DNAJB1: variants seen among roughly 807,000 people sequenced by gnomAD.
The protein encoded by DNAJB1 is DnaJ heat shock protein family (Hsp40) member B1, also known as dnaJ homolog subfamily B member 1.
Under a neutral mutation model 24.0 loss-of-function variants are expected in DNAJB1, and 14 were observed. That is an observed-to-expected ratio of 0.58 (90% CI 0.39 to 0.91). The LOEUF (loss-of-function observed/expected upper bound fraction) is 0.91. Among genes scored for constraint, DNAJB1 ranks in the 40% least tolerant of loss-of-function variants. The pLI is 0.00. For synonymous variants in DNAJB1, 262 were observed against 174.4 expected (o/e 1.50, Z -3.96); for missense variants, 517 against 458.1 (o/e 1.13, Z -1.17).
exon 1 of DNAJB1, among the ~76,000 whole-genome samples, chr19:14,560,172 C>T (rs1304902330): frequency 9.8e-5 from 15 of 152,348 alleles, no homozygotes; most frequent in East Asian, 1.9e-4. Context: ...GCCGGGACCC[C>T]GATGGCCGTA....
At chr19:14,558,119 A>G (rs533325839) in intron 1 of DNAJB1, among the ~76,000 whole-genome samples, 60 of 152,188 alleles carry the variant, frequency 3.9e-4, no homozygotes, top group Non-Finnish European at 7.8e-4. Context: ...GTCAGATGGC[A>G]GCTGGGGACA....
chr19:14,516,475 G>C lies in DNAJB1; in HGVS notation c.783C>G (p.Ser261Arg). ...GSDVIYPARISLREALCGCTV... is the reference protein window; with the variant it reads ...GSDVIYPARIRLREALCGCTV... Reference sequence around the variant, plus strand: ...CCACCTGGCACCTTACCTCCCGGAGGCTGATCCTGGCAGGATAAATGACAT... The same window carrying C: ...CCACCTGGCACCTTACCTCCCGGAGCCTGATCCTGGCAGGATAAATGACAT... Residue 261 changes from serine to arginine, a missense_variant, in exon 2 of 3, where the codon AGC becomes AGG. By Grantham distance (110) the Ser-to-Arg change is moderately radical. Coordinates refer to ENST00000254322, the MANE Select transcript of DNAJB1 (RefSeq NM_006145.3). 5 of 1,611,220 alleles carry C rather than the reference G, an allele frequency of 3.1e-6. No homozygotes were observed. Among genetic ancestry groups the C allele is most frequent in the South Asian group, 1.1e-5 (1 of 91,038 alleles).
intron 1 of DNAJB1, among the ~76,000 whole-genome samples, chr19:14,538,991 T>G (rs1392078484): frequency 1.3e-5 from 2 of 150,854 alleles, no homozygotes; most frequent in Non-Finnish European, 1.5e-5. Context: ...TTTTTTTTTT[T>G]GAGACAGAGT....
Position 14,516,455 on chromosome 19 carries a change from T to A in DNAJB1, c.792+11A>T. 6.2e-7 allele frequency: 1 copy of A among 1,608,748 alleles called. No homozygotes were observed. Among genetic ancestry groups the A allele is most frequent in the Non-Finnish European group, 8.5e-7 (1 of 1,176,162 alleles). ...CGCCCTCTACAGACACCGCCCCACC[T>A]GGCACCTTACCTCCCGGAGGCTGAT... On this transcript the variant is annotated intron_variant, in intron 2 of 2. Coordinates refer to ENST00000254322, the MANE Select transcript of DNAJB1 (RefSeq NM_006145.3).
exon 1 of DNAJB1, among the ~76,000 whole-genome samples, chr19:14,560,230 G>T (rs894223174): frequency 6.6e-6 from 1 of 152,200 alleles, no homozygotes; most frequent in Non-Finnish European, 1.5e-5. Flanking sequence ...GGGGAGCAGG[G>T]TACGATTTCA....
At chr19:14,559,231 G>A (rs1156540061) in intron 1 of DNAJB1, among the ~76,000 whole-genome samples, 1 of 152,122 alleles carries the variant, frequency 6.6e-6, no homozygotes, top group African/African-American at 2.4e-5. Flanking sequence ...AGTGAACAGT[G>A]GCATTGAGTG....
chr19:14,555,227 C>G (rs572243988), upstream of DNAJB1, among the ~76,000 whole-genome samples: 3 of 151,452 alleles, frequency 2.0e-5, no homozygotes, highest in South Asian at 4.2e-4. Flanking sequence ...ACCATAGGTG[C>G]GAGTCACCAC....
chr19:14,520,530 G>A (rs191442187), upstream of DNAJB1, among the ~76,000 whole-genome samples: 5 of 152,272 alleles, frequency 3.3e-5, no homozygotes, highest in Admixed American at 6.5e-5. Flanking sequence ...GGCAGATCTG[G>A]TTCTCTTGGC....
chr19:14,543,726 C>G (rs994822179), intron 1 of DNAJB1, among the ~76,000 whole-genome samples: 2 of 148,122 alleles, frequency 1.4e-5, no homozygotes, highest in African/African-American at 2.5e-5. Context: ...GCGTGAGCCA[C>G]CGCGCCCGGC....
At chr19:14,552,924 G>A (rs556610226), upstream of DNAJB1, among the ~76,000 whole-genome samples, 5 of 152,104 alleles carry the variant, frequency 3.3e-5, no homozygotes, top group South Asian at 6.3e-4. Context: ...TAGATGTCAC[G>A]TCTGAATGAA....
chr19:14,538,984 T>C (rs1348601950), intron 1 of DNAJB1, among the ~76,000 whole-genome samples: 2 of 150,762 alleles, frequency 1.3e-5, no homozygotes, highest in African/African-American at 4.9e-5. Context: ...ACATTTTTTT[T>C]TTTTTTTGAG....
At chr19:14,518,051 T>G (rs2072306503) in intron 1 of DNAJB1, 88 bp downstream of exon 1, 1 of 1,325,382 alleles carries the variant, frequency 7.5e-7, no homozygotes, top group African/African-American at 1.6e-5. Context: ...GGGGCGTCCT[T>G]CCCGGGGGGC....
intron 1 of DNAJB1, among the ~76,000 whole-genome samples, chr19:14,544,218 C>G (rs2073224814): frequency 6.6e-6 from 1 of 151,888 alleles, no homozygotes; most frequent in African/African-American, 2.4e-5. Flanking sequence ...ACCCAGGCCA[C>G]ACTCATCACC....
At chr19:14,559,276 C>T (rs570119680) in intron 1 of DNAJB1, among the ~76,000 whole-genome samples, 55 of 152,098 alleles carry the variant, frequency 3.6e-4, no homozygotes, top group Non-Finnish European at 6.0e-4. Flanking sequence ...ACCTCTGTCT[C>T]GTCCCAGAAC....
At chr19:14,524,402 C>T (rs548722342) in intron 2 of DNAJB1, among the ~76,000 whole-genome samples, 1 of 151,818 alleles carries the variant, frequency 6.6e-6, no homozygotes, top group Non-Finnish European at 1.5e-5. Context: ...CATGGTGGCA[C>T]GTGCCAGCTA....
chr19:14,557,058 C>A (rs2073752061), intron 1 of DNAJB1, among the ~76,000 whole-genome samples: 1 of 152,168 alleles, frequency 6.6e-6, no homozygotes, highest in Non-Finnish European at 1.5e-5. Context: ...TGGATCCTGC[C>A]AGGGTTTGGC....
At chr19:14,533,073 C>G (rs1439977231), upstream of DNAJB1, among the ~76,000 whole-genome samples, 3 of 151,814 alleles carry the variant, frequency 2.0e-5, no homozygotes, top group Non-Finnish European at 4.4e-5. Flanking sequence ...GATCACGCCA[C>G]TGTACTCCAG....
chr19:14,521,186 G>A (rs924148938), upstream of DNAJB1, among the ~76,000 whole-genome samples: 26 of 152,180 alleles, frequency 1.7e-4, no homozygotes, highest in Admixed American at 1.4e-3. Context: ...GGCCAGGCAC[G>A]GTGACTCAAC....
At chr19:14,523,345 C>T (rs1328551647), upstream of DNAJB1, among the ~76,000 whole-genome samples, 1 of 152,072 alleles carries the variant, frequency 6.6e-6, no homozygotes, top group South Asian at 2.1e-4. Flanking sequence ...GATGGAGTCT[C>T]ACTCTGTCAC....
Sources: allele counts gnomAD v4.1 joint callset (sites outside exome capture counted in the v4.1 genomes callset), GRCh38; gene constraint gnomAD v4.1.1; transcripts MANE v1.5; gene names NCBI Gene and HGNC (gene_info 2026-07-23, HGNC 2026-07-21).